Variants in KHDRBS3 observed in about 807,000 individuals in gnomAD.
KHDRBS3 encodes KH domain-containing, RNA-binding, signal transduction-associated protein 3.
In KHDRBS3, 23 loss-of-function variants were observed where a neutral mutation model predicts 45.6. The observed-to-expected ratio is 0.50, with a 90% confidence interval of 0.36 to 0.72. The LOEUF (loss-of-function observed/expected upper bound fraction) is 0.72. Ranked by LOEUF, KHDRBS3 falls within the 30% of genes least tolerant of loss-of-function variation. KHDRBS3 has a pLI of 0.00. For synonymous variants in KHDRBS3, 162 were observed against 156.5 expected, an observed-to-expected ratio of 1.04 and a Z score of -0.26; for missense variants, 352 against 424.8, an observed-to-expected ratio of 0.83 and a Z score of 1.51.
chr8:135,584,538 GA>G (rs1382579961), intron 6 of KHDRBS3, among the ~76,000 whole-genome samples: 1 of 152,220 alleles, frequency 6.6e-6, no homozygotes, highest in African/African-American at 2.4e-5. Flanking sequence ...CTAGTCAAGA[GA>G]AAAGATTTTC....
At chr8:135,478,317 C>G (rs571192406) in intron 1 of KHDRBS3, among the ~76,000 whole-genome samples, 24 of 152,288 alleles carry the variant, frequency 1.6e-4, no homozygotes, top group African/African-American at 5.5e-4. Flanking sequence ...TAATTTGTTA[C>G]AGTGACAACA....
intron 8 of KHDRBS3, among the ~76,000 whole-genome samples, chr8:135,645,883 T>C (rs1831261814): frequency 6.6e-6 from 1 of 152,138 alleles, no homozygotes; most frequent in African/African-American, 2.4e-5. Context: ...GGTTAATGGA[T>C]GTTAGGACAT....
chr8:135,621,759 G>C (rs1235841369), intron 7 of KHDRBS3, among the ~76,000 whole-genome samples: 1 of 151,974 alleles, frequency 6.6e-6, no homozygotes, highest in East Asian at 1.9e-4. Context: ...GGTGTGCATT[G>C]GTAGTGACCA....
chr8:135,643,826 G>T (rs927197672), intron 7 of KHDRBS3, among the ~76,000 whole-genome samples: 1 of 152,146 alleles, frequency 6.6e-6, no homozygotes, highest in Non-Finnish European at 1.5e-5. Context: ...CTGTCAAATG[G>T]GTATGGCAGT....
At chr8:135,528,029 A>C (rs543290029) in intron 2 of KHDRBS3, among the ~76,000 whole-genome samples, 3 of 152,320 alleles carry the variant, frequency 2.0e-5, no homozygotes, top group Non-Finnish European at 2.9e-5. Context: ...CTCAAGGTTT[A>C]GTGTGCTATG....
At chr8:135,600,163 T>G (rs1829145628) in intron 6 of KHDRBS3, among the ~76,000 whole-genome samples, 1 of 152,208 alleles carries the variant, frequency 6.6e-6, no homozygotes. Context: ...TCTTGTATCT[T>G]TATTTATTGG....
chr8:135,629,153 T>C (rs1830491546), intron 7 of KHDRBS3, among the ~76,000 whole-genome samples: 1 of 152,240 alleles, frequency 6.6e-6, no homozygotes, highest in Non-Finnish European at 1.5e-5. Context: ...ACAAAAAAGT[T>C]TGTGTCTCCA....
At chr8:135,501,900 A>G (rs751641671) in intron 1 of KHDRBS3, among the ~76,000 whole-genome samples, 1 of 152,160 alleles carries the variant, frequency 6.6e-6, no homozygotes, top group Non-Finnish European at 1.5e-5. Flanking sequence ...GAATTCTTTC[A>G]CTGAATTCAC....
intron 7 of KHDRBS3, among the ~76,000 whole-genome samples, chr8:135,627,554 G>C (rs1160945844): frequency 1.3e-5 from 2 of 152,080 alleles, no homozygotes; most frequent in Non-Finnish European, 2.9e-5. Context: ...ATGCCTATTG[G>C]TTCTTACCTT....
intron 5 of KHDRBS3, among the ~76,000 whole-genome samples, chr8:135,574,134 A>T (rs1187763265): frequency 2.6e-5 from 4 of 152,178 alleles, no homozygotes. Flanking sequence ...GCGATAAGAC[A>T]GGATTCTTGT....
intron 2 of KHDRBS3, among the ~76,000 whole-genome samples, chr8:135,531,176 G>GT (rs1264931306): frequency 1.3e-5 from 2 of 151,748 alleles, no homozygotes; most frequent in South Asian, 2.1e-4. Flanking sequence ...GCATGTCTAT[G>GT]TTTTTTTTGC....
At chr8:135,590,457 G>A (rs1481404849) in intron 6 of KHDRBS3, among the ~76,000 whole-genome samples, 1 of 152,132 alleles carries the variant, frequency 6.6e-6, no homozygotes, top group Non-Finnish European at 1.5e-5. Flanking sequence ...TGATACATAG[G>A]TAGCAGGTTA....
intron 5 of KHDRBS3, among the ~76,000 whole-genome samples, chr8:135,560,101 C>T (rs554370331): frequency 6.6e-6 from 1 of 152,172 alleles, no homozygotes; most frequent in South Asian, 2.1e-4. Context: ...CCACACATGA[C>T]ATTTATATGT....
chr8:135,516,951 T>C (rs1336831579), intron 1 of KHDRBS3, among the ~76,000 whole-genome samples: 2 of 152,166 alleles, frequency 1.3e-5, no homozygotes, highest in African/African-American at 4.8e-5. Flanking sequence ...ACTTAACTTA[T>C]TTAAATGCAA....
intron 1 of KHDRBS3, among the ~76,000 whole-genome samples, chr8:135,484,721 G>A (rs751086988): frequency 2.0e-5 from 3 of 152,026 alleles, no homozygotes; most frequent in Non-Finnish European, 4.4e-5. Context: ...TGTATGTTTG[G>A]CCAACTTGCT....
intron 5 of KHDRBS3, among the ~76,000 whole-genome samples, chr8:135,580,956 T>C (rs1055456038): frequency 2.0e-5 from 3 of 152,190 alleles, no homozygotes; most frequent in African/African-American, 4.8e-5. Context: ...GCTTTTTTTT[T>C]CTCTTTAGCC....
intron 1 of KHDRBS3, chr8:135,458,411 G>C: frequency 2.3e-5 from 5 of 213,992 alleles, no homozygotes; most frequent in Non-Finnish European, 4.7e-5. Context: ...AGAGGTGAAG[G>C]GAACAGGTGC....
At chr8:135,501,613 GT>G in intron 1 of KHDRBS3, among the ~76,000 whole-genome samples, 1 of 151,982 alleles carries the variant, frequency 6.6e-6, no homozygotes, top group Non-Finnish European at 1.5e-5. Flanking sequence ...TTTACCTATT[GT>G]TTAGTAAGAT....
intron 2 of KHDRBS3, among the ~76,000 whole-genome samples, chr8:135,536,019 T>G (rs1825727765): frequency 6.6e-6 from 1 of 152,080 alleles, no homozygotes; most frequent in South Asian, 2.1e-4. Flanking sequence ...TGTGAGTGCC[T>G]GGGGGTAGGA....
Sources: allele counts gnomAD v4.1 joint callset (sites outside exome capture counted in the v4.1 genomes callset), GRCh38; gene constraint gnomAD v4.1.1; transcripts MANE v1.5; gene names NCBI Gene and HGNC (gene_info 2026-07-23, HGNC 2026-07-21).